Variants in PIP4K2A observed in about 807,000 individuals in gnomAD.
PIP4K2A encodes phosphatidylinositol-5-phosphate 4-kinase type 2 alpha, also known as phosphatidylinositol 5-phosphate 4-kinase type-2 alpha.
Under a neutral mutation model 42.9 loss-of-function variants are expected in PIP4K2A, and 14 were observed. That is an observed-to-expected ratio of 0.33 (90% CI 0.22 to 0.51). The LOEUF is 0.51. Ranked by LOEUF, PIP4K2A falls within the 20% of genes least tolerant of loss-of-function variation. PIP4K2A has a pLI of 0.97. For synonymous variants in PIP4K2A, 192 were observed against 192.2 expected (o/e 1.00, Z 0.01); for missense variants, 434 against 519.8 (o/e 0.83, Z 1.61).
intron 1 of PIP4K2A, among the ~76,000 whole-genome samples, chr10:22,674,812 A>AATAG (rs1839523602): frequency 6.6e-6 from 1 of 151,862 alleles, no homozygotes; most frequent in African/African-American, 2.4e-5. Context: ...TAAATAAATA[A>AATAG]AACCCAGCCA....
chr10:22,710,027 T>C (rs183484858), intron 1 of PIP4K2A, among the ~76,000 whole-genome samples: 12 of 151,082 alleles, frequency 7.9e-5, no homozygotes, highest in African/African-American at 2.9e-4. Flanking sequence ...TTAGTTTCCT[T>C]ATCTTCTTTC....
Position 22,537,058 on chromosome 10 carries a change from C to T in PIP4K2A, c.*143G>A, listed in dbSNP as rs1835952805. ...GCTGTAAAGCGAGTAGCCCCCAAAT[C>T]AGTCATCTTGGCCTGAAGATGTAAA... On this transcript the variant is annotated 3_prime_UTR_variant, in exon 10 of 10. Coordinates refer to ENST00000376573, the MANE Select transcript of PIP4K2A (RefSeq NM_005028.5). 6.4e-6 allele frequency: 4 copies of T among 628,342 alleles called. No homozygotes were observed. Among genetic ancestry groups the T allele is most frequent in the Non-Finnish European group, 8.5e-6 (3 of 352,384 alleles). 38.9% of individuals were successfully genotyped at this position (628,342 alleles called of 1,614,324 possible).
At chr10:22,637,861 G>A (rs1398378455) in intron 1 of PIP4K2A, among the ~76,000 whole-genome samples, 2 of 152,140 alleles carry the variant, frequency 1.3e-5, no homozygotes, top group East Asian at 1.9e-4. Flanking sequence ...TTACTTAAAA[G>A]GATCTCAGCA....
At chr10:22,626,589 C>G (rs1174523668) in intron 1 of PIP4K2A, among the ~76,000 whole-genome samples, 1 of 152,204 alleles carries the variant, frequency 6.6e-6, no homozygotes, top group East Asian at 1.9e-4. Flanking sequence ...TAAGTTGTTA[C>G]AAAGATTTTT....
intron 1 of PIP4K2A, chr10:22,641,937 A>T (rs1251071222): frequency 6.6e-6 from 1 of 152,276 alleles, no homozygotes; most frequent in African/African-American, 2.4e-5. Flanking sequence ...GGCTGGCCCC[A>T]AGCCCAAGCA....
chr10:22,548,275 C>G lies in PIP4K2A; in HGVS notation c.792+2384G>C, dbSNP rs372263063. ...ACACCCTGCCTCCATTTCAACGAAACAGCTAAGTGCTTGAGCCATGTATGG... is the reference window on the plus strand; with the variant it reads ...ACACCCTGCCTCCATTTCAACGAAAGAGCTAAGTGCTTGAGCCATGTATGG... On this transcript the variant is annotated intron_variant, in intron 7 of 9. Transcript: ENST00000376573. Among the ~76,000 whole-genome samples the G allele has an allele frequency of 2.6e-5, 4 of 152,314 alleles. No individual in the cohort carries two copies. In the East Asian group the frequency reaches 5.8e-4, roughly 22 times the overall value.
chr10:22,702,809 C>A (rs1833740775), intron 1 of PIP4K2A, among the ~76,000 whole-genome samples: 1 of 152,162 alleles, frequency 6.6e-6, no homozygotes, highest in Non-Finnish European at 1.5e-5. Context: ...AGAATCCCAG[C>A]CCCACTCATT....
intron 3 of PIP4K2A, among the ~76,000 whole-genome samples, chr10:22,601,152 A>C (rs528839490): frequency 0.026 from 3,577 of 137,418 alleles, 220 homozygotes; most frequent in East Asian, 0.16. Flanking sequence ...AAAAAAAAAA[A>C]AAAAAAAAAA....
intron 1 of PIP4K2A, among the ~76,000 whole-genome samples, chr10:22,634,420 A>G (rs903461071): frequency 6.6e-6 from 1 of 152,212 alleles, no homozygotes; most frequent in African/African-American, 2.4e-5. Context: ...ACTTGCTGAC[A>G]AGGCTGTTCC....
chr10:22,655,410 G>T (rs1245968405), intron 1 of PIP4K2A, among the ~76,000 whole-genome samples: 1 of 152,144 alleles, frequency 6.6e-6, no homozygotes, highest in East Asian at 1.9e-4. Context: ...CAGAACCATG[G>T]TAATTTATGT....
chr10:22,561,202 T>A (rs779942761), intron 6 of PIP4K2A, among the ~76,000 whole-genome samples: 5 of 152,342 alleles, frequency 3.3e-5, no homozygotes, highest in Middle Eastern at 3.4e-3. Context: ...TTGACAATGG[T>A]TATTTTTTTT....
chr10:22,636,997 T>C (rs1057269160), intron 1 of PIP4K2A, among the ~76,000 whole-genome samples: 4 of 152,222 alleles, frequency 2.6e-5, no homozygotes, highest in African/African-American at 7.2e-5. Context: ...CCAGCCCAAA[T>C]TGCAGAATCC....
chr10:22,682,994 C>G (rs1839692083), intron 1 of PIP4K2A, among the ~76,000 whole-genome samples: 1 of 152,092 alleles, frequency 6.6e-6, no homozygotes, highest in South Asian at 2.1e-4. Context: ...CAAGACTGAT[C>G]TTTCAGATCC....
At position 22,714,384 on chromosome 10, in the gene PIP4K2A, C is replaced by T; in HGVS notation, c.-58G>A. 7.8e-7 allele frequency: 1 copy of T among 1,288,174 alleles called. No individual in the cohort carries two copies. The highest frequency in any genetic ancestry group is 1.0e-6 in the Non-Finnish European group (1 of 1,002,134). The allele number at this position is 1,288,174 out of a possible 1,614,324, so 79.8% of individuals were successfully genotyped here. ...TCCCGAGGCCGGGGACCCGCCCTCT[C>T]TACACCCCGGCCCGGGGAGGCAGCC... On this transcript the variant is annotated 5_prime_UTR_variant, in exon 1 of 10. It removes the in-frame stop codon of an upstream open reading frame in the 5' UTR. Coordinates refer to ENST00000376573, the MANE Select transcript of PIP4K2A (RefSeq NM_005028.5).
chr10:22,614,373 T>C (rs1205047705), intron 1 of PIP4K2A, among the ~76,000 whole-genome samples: 1 of 152,276 alleles, frequency 6.6e-6, no homozygotes, highest in African/African-American at 2.4e-5. Flanking sequence ...GCAGTATCTA[T>C]ACCTTCATAA....
chr10:22,697,847 G>A (rs765636185), intron 1 of PIP4K2A, among the ~76,000 whole-genome samples: 1 of 152,106 alleles, frequency 6.6e-6, no homozygotes, highest in African/African-American at 2.4e-5. Flanking sequence ...CATGTGAATC[G>A]TCCATAGGTC....
chr10:22,688,903 C>T (rs1394574130), intron 1 of PIP4K2A, among the ~76,000 whole-genome samples: 2 of 152,272 alleles, frequency 1.3e-5, no homozygotes, highest in South Asian at 2.1e-4. Context: ...TATGCATACC[C>T]AGAGCCAAGG....
intron 1 of PIP4K2A, among the ~76,000 whole-genome samples, chr10:22,641,839 G>A (rs1448715160): frequency 6.6e-6 from 1 of 151,990 alleles, no homozygotes; most frequent in Non-Finnish European, 1.5e-5. Context: ...GTTACCACAG[G>A]AGTGATGATT....
chr10:22,664,194 T>TATATATAC (rs1554807322), intron 1 of PIP4K2A, among the ~76,000 whole-genome samples: 1 of 66,158 alleles, frequency 1.5e-5, no homozygotes, highest in Non-Finnish European at 2.5e-5. Flanking sequence ...TATATATACA[T>TATATATAC]ATATATATAC....
Sources: allele counts gnomAD v4.1 joint callset (sites outside exome capture counted in the v4.1 genomes callset), GRCh38; gene constraint gnomAD v4.1.1; transcripts MANE v1.5; gene names NCBI Gene and HGNC (gene_info 2026-07-23, HGNC 2026-07-21).